MUC5B: variants seen among roughly 807,000 people sequenced by gnomAD.
MUC5B encodes mucin-5B.
A neutral mutation model predicts 376.9 loss-of-function variants in MUC5B; 116 were observed. The observed-to-expected ratio is 0.31, with a 90% confidence interval of 0.26 to 0.36. The LOEUF (loss-of-function observed/expected upper bound fraction) is 0.36. Ranked by LOEUF, MUC5B falls within the 10% of genes least tolerant of loss-of-function variation. The pLI, the probability that MUC5B is intolerant of heterozygous loss-of-function variation, is 1.00. For synonymous variants in MUC5B, 3,517 were observed against 3,390.9 expected (o/e 1.04, Z -1.29); for missense variants, 7,165 against 7,769.9 (o/e 0.92, Z 2.93).
Position 1,255,164 on chromosome 11 carries a change from C to T in MUC5B, c.15788C>T (p.Pro5263Leu), listed in dbSNP as rs371978598. 100 of 1,561,158 alleles carry T rather than the reference C, an allele frequency of 6.4e-5. 1 individual carries two copies. Among genetic ancestry groups the T allele is most frequent in the Admixed American group, 5.3e-4 (28 of 52,388 alleles). ...AGCAGAAAGGATGGCTGCTGGGCCCCGACTGGCACACCCCCCACTGCCAGC... is the reference window on the plus strand; with the variant it reads ...AGCAGAAAGGATGGCTGCTGGGCCCTGACTGGCACACCCCCCACTGCCAGC... Reference protein sequence around the residue: ...PDSRKDGCWAPTGTPPTASPA... With the variant: ...PDSRKDGCWALTGTPPTASPA... The change falls in exon 36 of 49, where the codon CCG becomes CTG. Residue 5263 changes from proline (P) to leucine (L), a missense_variant. Physicochemically the swap from Pro to Leu is moderately conservative, Grantham distance 98 (BLOSUM62 -3). Around this residue, in one of 31 missense-constraint regions of MUC5B, gnomAD observed 842 missense variants for 1,016.9 expected, o/e 0.83. Transcript: ENST00000529681.
In MUC5B at chr11:1,247,283, G is replaced by C. The variant is rs2943529; in HGVS notation, c.10403G>C (p.Arg3468Pro). The C allele has an allele frequency of 0.48, 763,009 of 1,599,462 alleles. 187,111 individuals are homozygous for C. The highest frequency in any genetic ancestry group is 0.7 in the East Asian group (31,411 of 44,850). Residue 3468 changes from arginine (R) to proline (P), a missense_variant, in exon 31 of 49, where the codon CGC becomes CCC. Coordinates refer to ENST00000529681, the MANE Select transcript of MUC5B (RefSeq NM_002458.3). ...SLPPSSPHTV[R>P]TAWTSATSGI... ...CCCCCCAGCAGTCCCCACACGGTGC[G>C]CACAGCCTGGACTTCGGCCACCTCG...
Position 1,232,541 on chromosome 11 carries a change from C to T in MUC5B, c.1935C>T (p.His645=), listed in dbSNP as rs373084374. The change falls in exon 16 of 49, where the codon CAC becomes CAT. Residue 645 remains histidine, a synonymous_variant. Coordinates refer to ENST00000529681, the MANE Select transcript of MUC5B (RefSeq NM_002458.3). ...CHSIINPKPF[H]SNCMFDTCNC... is the part of the protein sequence containing the mutation. ...CCATCATCAACCCCAAGCCCTTCCA[C>T]TCGGTGAGAGGCTGAGGCCAGACCC... is the stretch of plus-strand genomic sequence containing the variant. The T allele has an allele frequency of 1.0e-4, 161 of 1,610,244 alleles. No individual in the cohort carries two copies. In the African/African-American group the frequency reaches 2.0e-3, roughly 20 times the overall value.
rs114535958 is a variant in MUC5B, at chr11:1,253,434, C to A, written c.15217+454C>A. ...CGGGAGCCCAGAGGAGCTTTTGTCT[C>A]CTGGGTCCTAACAGCGGCTTCCATC... On this transcript the variant is annotated intron_variant, in intron 33 of 48. Transcript: ENST00000529681. The surrounding 1 kb of genome is among the most constrained non-coding windows in gnomAD (Gnocchi z 4.3). Among the ~76,000 whole-genome samples the A allele has an allele frequency of 8.1e-3, 1,227 of 152,182 alleles. 17 individuals carry two copies. Among genetic ancestry groups the A allele is most frequent in the African/African-American group, 0.028 (1,174 of 41,516 alleles).
intron 25 of MUC5B, among the ~76,000 whole-genome samples, chr11:1,237,548 A>C (rs1862186133): frequency 1.3e-5 from 2 of 152,206 alleles, no homozygotes; most frequent in Non-Finnish European, 2.9e-5. Flanking sequence ...GAGGAATCAG[A>C]GATCTGCCCT....
chr11:1,246,374 C>T lies in MUC5B; in HGVS notation c.9494C>T (p.Thr3165Ile). The T allele has an allele frequency of 6.2e-7, 1 of 1,613,640 alleles. No homozygotes were observed. ...ACCCCAGGGACCACCTGGATCCTCA[C>T]AGAGCCCAGCACTACAGCCACCGTG... Reference protein sequence around the residue: ...SSTPGTTWILTEPSTTATVTV... With the variant: ...SSTPGTTWILIEPSTTATVTV... Residue 3165 changes from threonine (T) to isoleucine (I), a missense_variant, in exon 31 of 49, where the codon ACA becomes ATA. Coordinates refer to ENST00000529681, the MANE Select transcript of MUC5B (RefSeq NM_002458.3).
intron 1 of MUC5B, 148 bp from the exon 2 acceptor site, chr11:1,225,533 C>T: frequency 8.5e-6 from 6 of 704,032 alleles, no homozygotes; most frequent in East Asian, 5.6e-5. Flanking sequence ...CACAGTGTGT[C>T]GTGAGGGTGA....
intron 30 of MUC5B, 35 bp from the exon 31 acceptor site, chr11:1,240,816 G>A (rs780014224): frequency 6.4e-7 from 1 of 1,562,476 alleles, no homozygotes. Flanking sequence ...ACTGGAGGAT[G>A]CTGAGCCAGG....
At position 1,223,282 on chromosome 11, in the gene MUC5B, G is replaced by C. The variant is rs531540600; in HGVS notation, c.70+89G>C. 2.9e-4 allele frequency: 201 copies of C among 701,374 alleles called. 2 individuals are homozygous for C. In the African/African-American group the frequency reaches 3.2e-3, roughly 11 times the overall value. The allele number at this position is 701,374 out of a possible 1,614,324, so 43.4% of individuals were successfully genotyped here. A position where few individuals can be genotyped will look rare whatever the true frequency, so the allele number is the denominator to read the frequency against. ...CTTGCCTGGGAGCTTCTCCTGCAGAGTGCACGGGCAGATCCCCCTACGACT... is the reference window on the plus strand; with the variant it reads ...CTTGCCTGGGAGCTTCTCCTGCAGACTGCACGGGCAGATCCCCCTACGACT... On this transcript the variant is annotated intron_variant, in intron 1 of 48. Transcript: ENST00000529681.
At chr11:1,260,297 C>A in intron 46 of MUC5B, 54 bp from the exon 47 acceptor site, 1 of 1,578,034 alleles carries the variant, frequency 6.3e-7, no homozygotes. Context: ...GGAGGCCGCA[C>A]CCACCAGGGA....
Position 1,247,190 on chromosome 11 carries a change from C to A in MUC5B, c.10310C>A (p.Ser3437Tyr). ...ACCAGCAGCACAGTGACTCCCTCCT[C>A]TGCCCTAGGGACCACCCACACACCC... The part of the protein sequence containing the change: ...AATSSTVTPS[S>Y]ALGTTHTPPV... Residue 3437 changes from serine (S) to tyrosine (Y), a missense_variant, in exon 31 of 49, where the codon TCT (serine) becomes TAT (tyrosine). Around this residue, in one of 31 missense-constraint regions of MUC5B, gnomAD observed 939 missense variants for 770.6 expected, o/e 1.22. Transcript: ENST00000529681. 6.4e-7 allele frequency: 1 copy of A among 1,568,346 alleles called. No homozygotes were observed. Among genetic ancestry groups the A allele is most frequent in the South Asian group, 1.1e-5 (1 of 89,508 alleles).
At chr11:1,239,297 C>G in intron 26 of MUC5B, 141 bp from the exon 27 acceptor site, 2 of 1,159,426 alleles carry the variant, frequency 1.7e-6, no homozygotes, top group African/African-American at 1.5e-5. Context: ...AGGCACCACC[C>G]GGCCGAGGCC....
At position 1,239,383 on chromosome 11, in the gene MUC5B, C is replaced by A. The variant is rs536959745; in HGVS notation, c.3455-55C>A. ...CGCCCGGGGTAGGGGCTGCCCTGCA[C>A]AACAGGGGTGAGGGCTGGTGGGCGC... On this transcript the variant is annotated intron_variant, in intron 26 of 48. Coordinates refer to ENST00000529681, the MANE Select transcript of MUC5B (RefSeq NM_002458.3). 14 of 1,563,464 alleles carry A rather than the reference C, an allele frequency of 9.0e-6. No individual in the cohort carries two copies. The Admixed American group carries it at 2.6e-4, about 29-fold the overall frequency.
Position 1,258,492 on chromosome 11 carries a change from G to C in MUC5B, c.16593+125G>C. 1 of 1,155,506 alleles carries C rather than the reference G, an allele frequency of 8.7e-7. No individual in the cohort carries two copies. The highest frequency in any genetic ancestry group is 1.2e-6 in the Non-Finnish European group (1 of 823,048). 71.6% of individuals were successfully genotyped at this position (1,155,506 alleles called of 1,614,324 possible). A position where few individuals can be genotyped will look rare whatever the true frequency, so the allele number is the denominator to read the frequency against. ...GCCCTGAGGGCCGATCCGCACAGGG[G>C]CCCTGGACACGTCAGAGCTGGGACA... On this transcript the variant is annotated intron_variant, in intron 43 of 48. Coordinates refer to ENST00000529681, the MANE Select transcript of MUC5B (RefSeq NM_002458.3). This position sits in a 1 kb window ranked among gnomAD's most constrained non-coding sequence, Gnocchi z 5.5.
At position 1,237,063 on chromosome 11, in the gene MUC5B, G is replaced by A. The variant is rs373796838; in HGVS notation, c.3196G>A (p.Ala1066Thr). 1.4e-5 allele frequency: 22 copies of A among 1,581,950 alleles called. No individual in the cohort carries two copies. Among genetic ancestry groups the A allele is most frequent in the Non-Finnish European group, 1.9e-5 (22 of 1,162,720 alleles). Residue 1066 changes from alanine (A) to threonine (T), a missense_variant, in exon 25 of 49, where the codon GCA becomes ACA. By Grantham distance (58) the Ala-to-Thr change is moderately conservative. Around this residue, in one of 31 missense-constraint regions of MUC5B, gnomAD observed 143 missense variants for 193.2 expected, o/e 0.74. Coordinates refer to ENST00000529681, the MANE Select transcript of MUC5B (RefSeq NM_002458.3). Reference protein sequence around the residue: ...KLSPSCPDALAPKDPCTANPF... With the variant: ...KLSPSCPDALTPKDPCTANPF... The stretch of plus-strand genomic sequence containing the variant: ...CTCCCCCTCCTGCCCGGACGCCCTG[G>A]CACCCAAGGACCCCTGCACGGCCAA...
Position 1,230,942 on chromosome 11 carries a change from C to G in MUC5B, c.1477C>G (p.Arg493Gly). 10 of 1,590,112 alleles carry G rather than the reference C, an allele frequency of 6.3e-6. No individual in the cohort carries two copies. Among genetic ancestry groups the G allele is most frequent in the Non-Finnish European group, 8.6e-6 (10 of 1,169,508 alleles). ...CGCCCGCCTCCTTCCGCAGGCCATC[C>G]GGGTCCAAGCGGACGGCGGCGTGTT... ...LSLDGGDTAIRVQADGGVFLN... is the reference protein window; with the variant it reads ...LSLDGGDTAIGVQADGGVFLN... The change falls in exon 13 of 49, where the codon CGG becomes GGG. Residue 493 changes from arginine (R) to glycine (G), a missense_variant. By Grantham distance (125) the Arg-to-Gly change is moderately radical (BLOSUM62 -2). Around this residue, in one of 31 missense-constraint regions of MUC5B, gnomAD observed 640 missense variants for 733.0 expected, o/e 0.87. Coordinates refer to ENST00000529681, the MANE Select transcript of MUC5B (RefSeq NM_002458.3).
rs553239100 is a variant in MUC5B at position 1,258,493 on chromosome 11, C to T, written c.16593+126C>T. On this transcript the variant is annotated intron_variant, in intron 43 of 48. Coordinates refer to ENST00000529681, the MANE Select transcript of MUC5B (RefSeq NM_002458.3). The surrounding 1 kb of genome is among the most constrained non-coding windows in gnomAD (Gnocchi z 5.5). ...CCCTGAGGGCCGATCCGCACAGGGG[C>T]CCTGGACACGTCAGAGCTGGGACAT... 722 of 1,143,886 alleles carry T rather than the reference C, an allele frequency of 6.3e-4. No homozygotes were observed. The highest frequency in any genetic ancestry group is 2.4e-3 in the Admixed American group (95 of 40,150). 70.9% of individuals were successfully genotyped at this position (1,143,886 alleles called of 1,614,324 possible). A position where few individuals can be genotyped will look rare whatever the true frequency, so the allele number is the denominator to read the frequency against.
rs562331900 is a variant in MUC5B at position 1,230,576 on chromosome 11, G to T, written c.1446G>T (p.Thr482=). The T allele has an allele frequency of 1.2e-6, 2 of 1,610,270 alleles. No homozygotes were observed. Among genetic ancestry groups the T allele is most frequent in the Non-Finnish European group, 1.7e-6 (2 of 1,178,436 alleles). ...TDNENCLKAV[T]LSLDGGDTAI... ...ACGAGAACTGCCTGAAAGCGGTGAC[G>T]CTCAGCCTGGACGGCGGGGACACGG... Residue 482 remains threonine (T), a synonymous_variant, in exon 12 of 49, where the codon ACG becomes ACT. Coordinates refer to ENST00000529681, the MANE Select transcript of MUC5B (RefSeq NM_002458.3).
chr11:1,223,508 G>A, intron 1 of MUC5B: 1 of 451,592 alleles, frequency 2.2e-6, no homozygotes, highest in Non-Finnish European at 4.1e-6. Flanking sequence ...GGCAATGGGG[G>A]AGGGGGTCAC....
chr11:1,229,159 C>G lies in MUC5B; in HGVS notation c.977-11C>G. 1 of 1,579,212 alleles carries G rather than the reference C, an allele frequency of 6.3e-7. No individual in the cohort carries two copies. Among genetic ancestry groups the G allele is most frequent in the East Asian group, 2.3e-5 (1 of 43,590 alleles). On this transcript the variant is annotated splice_polypyrimidine_tract_variant and intron_variant, in intron 8 of 48. Coordinates refer to ENST00000529681, the MANE Select transcript of MUC5B (RefSeq NM_002458.3). Reference sequence around the variant, plus strand: ...CCTTCCCCTGGCCCAGCCCCACCTCCTTTTGCGCAGCCCGGACCTGCCCCC... The same window carrying G: ...CCTTCCCCTGGCCCAGCCCCACCTCGTTTTGCGCAGCCCGGACCTGCCCCC...
Sources: gnomAD v4.1 joint callset for allele counts (sites outside exome capture counted in the v4.1 genomes callset) on GRCh38, gnomAD v4.1.1 for gene constraint, gnomAD v4.1.1 regional missense constraint, Gnocchi (gnomAD v3.1) non-coding constraint, MANE v1.5 for transcripts, NCBI Gene and HGNC (gene_info 2026-07-23, HGNC 2026-07-21) for gene names.